Variants in KIF1A observed in about 807,000 individuals in gnomAD.
The protein encoded by KIF1A is kinesin family member 1A.
In KIF1A, 46 loss-of-function variants were observed where a neutral mutation model predicts 227.3. The ratio of observed to expected loss-of-function variants is 0.20; its 90% CI spans 0.16 to 0.26. KIF1A has a LOEUF of 0.26. Among genes scored for constraint, KIF1A ranks in the 10% least tolerant of loss-of-function variants. The pLI, the probability that KIF1A is intolerant of heterozygous loss-of-function variation, is 1.00. For synonymous variants in KIF1A, 1,022 were observed against 1,012.8 expected (o/e 1.01, Z -0.17); for missense variants, 1,683 against 2,485.9 (o/e 0.68, Z 6.87).
At chr2:240,810,691 G>A (rs772499167) in intron 1 of KIF1A, among the ~76,000 whole-genome samples, 32 of 152,108 alleles carry the variant, frequency 2.1e-4, no homozygotes, top group Non-Finnish European at 2.4e-4. Flanking sequence ...CAGGCCCCTC[G>A]AAGTTTCAAA....
At chr2:240,760,043 G>C (rs1424995544) in intron 25 of KIF1A, among the ~76,000 whole-genome samples, 2 of 151,716 alleles carry the variant, frequency 1.3e-5, no homozygotes, top group African/African-American at 4.9e-5. Context: ...AAAATTAAGG[G>C]CTCAAGACAA....
Position 240,726,851 on chromosome 2 carries a change from T to C in KIF1A, c.4097A>G (p.Tyr1366Cys). Residue 1366 changes from tyrosine to cysteine, a missense_variant, in exon 39 of 49, where the codon TAC (tyrosine) becomes TGC (cysteine). This residue lies in a region of KIF1A where 759 missense variants were observed against 1,020.2 expected (regional missense o/e 0.74). Coordinates refer to ENST00000498729, the MANE Select transcript of KIF1A (RefSeq NM_001244008.2). The surrounding 1 kb of genome is among the most constrained non-coding windows in gnomAD (Gnocchi z 5.2). ...NRVTPYREKI[Y>C]MTLSAYIEME... Reference sequence around the variant, plus strand: ...CTCGATATAAGCGGAGAGTGTCATGTAGATTTTCTCTCGATAAGGGGTGAC... The same window carrying C: ...CTCGATATAAGCGGAGAGTGTCATGCAGATTTTCTCTCGATAAGGGGTGAC... 2 of 1,611,422 alleles carry C rather than the reference T, an allele frequency of 1.2e-6. No individual in the cohort carries two copies. Among genetic ancestry groups the C allele is most frequent in the Non-Finnish European group, 1.7e-6 (2 of 1,178,508 alleles).
chr2:240,813,155 A>T (rs1236844727), intron 1 of KIF1A, among the ~76,000 whole-genome samples: 1 of 152,242 alleles, frequency 6.6e-6, no homozygotes, highest in Non-Finnish European at 1.5e-5. Flanking sequence ...AGAGTTTGAG[A>T]AAAAAACCAC....
rs556138159 is a variant in KIF1A at position 240,722,498 on chromosome 2, G to C, written c.4623C>G (p.Pro1541=). ...SPLSAEGRPS[P]LEAPNERQRE... ...GCTGCCTCTCGTTGGGAGCCTCCAGGGGTGATGGGCGGCCCTCAGCCGAGA... is the reference window on the plus strand; with the variant it reads ...GCTGCCTCTCGTTGGGAGCCTCCAGCGGTGATGGGCGGCCCTCAGCCGAGA... The change falls in exon 43 of 49, where the codon CCC becomes CCG. Residue 1541 remains proline, a synonymous_variant. Transcript: ENST00000498729. 3.7e-5 allele frequency: 57 copies of C among 1,547,858 alleles called. 2 individuals are homozygous for C. In the South Asian group the frequency reaches 6.7e-4, roughly 18 times the overall value.
rs991883569 is a variant in KIF1A at position 240,793,529 on chromosome 2, G to T, written c.106+4118C>A. ...CAGGCTCAGGGCCCTCACGTCCTCCGGTCCTCAGGGCAGAGAATGTGAGGA... is the reference window on the plus strand; with the variant it reads ...CAGGCTCAGGGCCCTCACGTCCTCCTGTCCTCAGGGCAGAGAATGTGAGGA... On this transcript the variant is annotated intron_variant, in intron 2 of 48. Transcript: ENST00000498729. The surrounding 1 kb of genome is among the most constrained non-coding windows in gnomAD (Gnocchi z 4.8). Among the ~76,000 whole-genome samples the T allele has an allele frequency of 6.6e-6, 1 of 152,058 alleles. No individual in the cohort carries two copies. The highest frequency in any genetic ancestry group is 2.4e-5 in the African/African-American group (1 of 41,404).
intron 27 of KIF1A, among the ~76,000 whole-genome samples, chr2:240,753,407 CTG>C (rs1450184956): frequency 6.6e-6 from 1 of 152,230 alleles, no homozygotes; most frequent in Non-Finnish European, 1.5e-5. Flanking sequence ...GGAACTGACT[CTG>C]AGGAGACGCC....
At chr2:240,737,749 G>A (rs2047511163) in intron 37 of KIF1A, among the ~76,000 whole-genome samples, 1 of 152,218 alleles carries the variant, frequency 6.6e-6, no homozygotes, top group South Asian at 2.1e-4. Flanking sequence ...CCGTTATCAG[G>A]CAGGAAAACT....
chr2:240,790,886 A>G lies in KIF1A; in HGVS notation c.107-1574T>C, dbSNP rs1483806936. ...CCTTGATCTCAGACTTCTGGCCTCC[A>G]GAATCACGAGACAGCACACTTCTGT... is the stretch of plus-strand genomic sequence containing the variant. On this transcript the variant is annotated intron_variant, in intron 2 of 48. Coordinates refer to ENST00000498729, the MANE Select transcript of KIF1A (RefSeq NM_001244008.2). The surrounding 1 kb of genome is among the most constrained non-coding windows in gnomAD (Gnocchi z 5.0). Among the ~76,000 whole-genome samples, 16 of 152,276 alleles carry G rather than the reference A, an allele frequency of 1.1e-4. No individual in the cohort carries two copies. In the South Asian group the frequency reaches 3.3e-3, roughly 32 times the overall value.
rs528935954 is a variant in KIF1A, at chr2:240,740,512, G to A, written c.3750-148C>T. 1.5e-5 allele frequency: 10 copies of A among 676,150 alleles called. 2 individuals carry two copies. In the African/African-American group the frequency reaches 1.6e-4, roughly 11 times the overall value. The allele number at this position is 676,150 out of a possible 1,614,324, so 41.9% of individuals were successfully genotyped here. The stretch of plus-strand genomic sequence containing the variant: ...AGGTGGTCTGATCCATGGAGACCAC[G>A]GTCAGCTGAGCACAGAAACCCACCA... On this transcript the variant is annotated intron_variant, in intron 35 of 48. Coordinates refer to ENST00000498729, the MANE Select transcript of KIF1A (RefSeq NM_001244008.2). The surrounding 1 kb of genome is among the most constrained non-coding windows in gnomAD (Gnocchi z 6.1).
At chr2:240,801,157 A>G (rs75567343) in intron 1 of KIF1A, among the ~76,000 whole-genome samples, 4 of 151,234 alleles carry the variant, frequency 2.6e-5, no homozygotes, top group Non-Finnish European at 2.9e-5. Context: ...AACACATGAG[A>G]AAAAAAAAGA....
At chr2:240,746,882 T>A (rs2048666160) in intron 29 of KIF1A, among the ~76,000 whole-genome samples, 2 of 152,062 alleles carry the variant, frequency 1.3e-5, no homozygotes, top group African/African-American at 2.4e-5. Context: ...GAACGCGCCG[T>A]ACTGTGGGGA....
rs751653982 is a variant in KIF1A at position 240,767,068 on chromosome 2, C to A, written c.1578-47G>T. ...AGCACGGCAGCTGGGACCCAATACA[C>A]CCAGGACGCCACCCACTGGCCTCCA... On this transcript the variant is annotated intron_variant, in intron 18 of 48. Transcript: ENST00000498729. 9.0e-6 allele frequency: 13 copies of A among 1,439,716 alleles called. No homozygotes were observed. In the Admixed American group the frequency reaches 1.3e-4, roughly 15 times the overall value. The allele number at this position is 1,439,716 out of a possible 1,614,324, so 89.2% of individuals were successfully genotyped here.
intron 10 of KIF1A, among the ~76,000 whole-genome samples, chr2:240,781,563 G>T (rs926812976): frequency 5.9e-5 from 9 of 151,410 alleles, no homozygotes; most frequent in Non-Finnish European, 1.3e-4. Flanking sequence ...ATCGTTCTCC[G>T]CTTCCTCCCC....
intron 28 of KIF1A, among the ~76,000 whole-genome samples, chr2:240,748,402 A>G (rs2048845754): frequency 6.6e-6 from 1 of 152,206 alleles, no homozygotes; most frequent in South Asian, 2.1e-4. Context: ...CCAGGACGGC[A>G]GCTGCCCTCA....
intron 33 of KIF1A, among the ~76,000 whole-genome samples, chr2:240,743,541 G>C (rs1443632286): frequency 6.6e-6 from 1 of 152,180 alleles, no homozygotes; most frequent in African/African-American, 2.4e-5. Context: ...CAGGCCTCAG[G>C]AGGCTGCGTG....
At chr2:240,718,984 C>A (rs766540668) in intron 47 of KIF1A, 22 bp downstream of exon 47, 12 of 1,585,892 alleles carry the variant, frequency 7.6e-6, no homozygotes, top group Admixed American at 1.7e-5. Context: ...GGTGCCCGAG[C>A]CTGAGCCGGG....
At chr2:240,756,801 C>T (rs1025611297) in intron 27 of KIF1A, among the ~76,000 whole-genome samples, 2 of 152,234 alleles carry the variant, frequency 1.3e-5, no homozygotes, top group Non-Finnish European at 2.9e-5. Context: ...CCGGGAGCCT[C>T]TGTCTCTTCT....
Position 240,723,924 on chromosome 2 carries a change from G to C in KIF1A, c.4318+51C>G, listed in dbSNP as rs577659854. 17 of 1,481,592 alleles carry C rather than the reference G, an allele frequency of 1.1e-5. No individual in the cohort carries two copies. The East Asian group carries it at 3.4e-4, about 30-fold the overall frequency. 91.8% of individuals were successfully genotyped at this position (1,481,592 alleles called of 1,614,324 possible). A position where few individuals can be genotyped will look rare whatever the true frequency, so the allele number is the denominator to read the frequency against. On this transcript the variant is annotated intron_variant, in intron 41 of 48. Coordinates refer to ENST00000498729, the MANE Select transcript of KIF1A (RefSeq NM_001244008.2). ...TCGCTGTGGTCACCCCAAGTGGGCA[G>C]AGGTTGAGCAGGCCAGGAACCCACC...
Position 240,778,511 on chromosome 2 carries a change from T to TACACACACACAC in KIF1A, c.883-2597_883-2586dup, listed in dbSNP as rs60462300. The stretch of plus-strand genomic sequence containing the variant: ...GGCGCTCGCAGCTCCCGCACAGCGT[T>TACACACACACAC]ACACACACACACACACACACACACA... On this transcript the variant is annotated intron_variant, in intron 10 of 48. Transcript: ENST00000498729. This position sits in a 1 kb window ranked among gnomAD's most constrained non-coding sequence, Gnocchi z 7.2. 0.028 allele frequency among the ~76,000 whole-genome samples: 3,749 copies of TACACACACACAC among 134,126 alleles called. 92 individuals are homozygous for TACACACACACAC. The highest frequency in any genetic ancestry group is 0.048 in the African/African-American group (1,583 of 32,922). 88.0% of individuals were successfully genotyped at this position (134,126 alleles called of 152,430 possible). A position where few individuals can be genotyped will look rare whatever the true frequency, so the allele number is the denominator to read the frequency against.
Sources: gnomAD v4.1 joint callset for allele counts (sites outside exome capture counted in the v4.1 genomes callset) on GRCh38, gnomAD v4.1.1 for gene constraint, gnomAD v4.1.1 regional missense constraint, Gnocchi (gnomAD v3.1) non-coding constraint, MANE v1.5 for transcripts, NCBI Gene and HGNC (gene_info 2026-07-23, HGNC 2026-07-21) for gene names.